ITPK1: variants seen among roughly 807,000 people sequenced by gnomAD.
ITPK1 encodes the protein inositol 1,3,4-trisphosphate 5/6-kinase.
In ITPK1, 21 loss-of-function variants were observed where a neutral mutation model predicts 45.3. That is an observed-to-expected ratio of 0.46 (90% CI 0.33 to 0.67). The LOEUF (loss-of-function observed/expected upper bound fraction) is 0.67, where lower values mean the gene tolerates loss of function less well. Ranked by LOEUF, ITPK1 falls within the 30% of genes least tolerant of loss-of-function variation. The probability of loss-of-function intolerance (pLI) is 0.02; values close to 1 mark genes in which losing one functional copy is unlikely to be tolerated. For synonymous variants in ITPK1, 258 were observed against 253.6 expected (o/e 1.02, Z -0.16); for missense variants, 474 against 573.5 (o/e 0.83, Z 1.77).
At chr14:93,019,694 G>A (rs1021033784) in intron 3 of ITPK1, among the ~76,000 whole-genome samples, 13 of 152,158 alleles carry the variant, frequency 8.5e-5, no homozygotes, top group East Asian at 5.8e-4. Flanking sequence ...AACAGGCTGC[G>A]GTCTCCCTCC....
intron 10 of ITPK1, among the ~76,000 whole-genome samples, chr14:92,946,053 C>G (rs572141130): frequency 6.6e-6 from 1 of 152,286 alleles, no homozygotes; most frequent in South Asian, 2.1e-4. Context: ...GGCTGATCCA[C>G]CAATGACGCA....
Position 93,076,083 on chromosome 14 carries a change from A to C in ITPK1, c.120+512T>G, listed in dbSNP as rs1595193251. Among the ~76,000 whole-genome samples, 3 of 139,702 alleles carry C rather than the reference A, an allele frequency of 2.1e-5. No homozygotes were observed. The highest frequency in any genetic ancestry group is 2.3e-4 in the South Asian group (1 of 4,368). The allele number at this position is 139,702 out of a possible 152,430, so 91.6% of individuals were successfully genotyped here. A position where few individuals can be genotyped will look rare whatever the true frequency, so the allele number is the denominator to read the frequency against. ...CTTCTATCCTTCCTCCCCTCCATCC[A>C]TCCTTCCTTCTCCCTCCATCCTTCC... is the stretch of plus-strand genomic sequence containing the variant. On this transcript the variant is annotated intron_variant, in intron 3 of 10. Transcript: ENST00000267615. The surrounding 1 kb of genome is among the most constrained non-coding windows in gnomAD (Gnocchi z 4.3).
At chr14:93,090,885 A>G (rs528179241) in intron 2 of ITPK1, among the ~76,000 whole-genome samples, 3 of 152,264 alleles carry the variant, frequency 2.0e-5, no homozygotes, top group Admixed American at 6.5e-5. Context: ...TTCCATCACC[A>G]ACCTGCGCCT....
chr14:92,992,354 T>C (rs76163808), intron 5 of ITPK1, among the ~76,000 whole-genome samples: 3 of 152,352 alleles, frequency 2.0e-5, no homozygotes, highest in East Asian at 1.9e-4. Context: ...GGAGGGAACA[T>C]ACAGCTCTTT....
At chr14:92,997,482 A>G (rs1430849931) in intron 4 of ITPK1, among the ~76,000 whole-genome samples, 2 of 152,220 alleles carry the variant, frequency 1.3e-5, no homozygotes, top group Non-Finnish European at 2.9e-5. Context: ...CTCTTCTGGG[A>G]TGGGAACAGA....
intron 3 of ITPK1, among the ~76,000 whole-genome samples, chr14:93,041,237 G>A (rs1485536682): frequency 6.6e-6 from 1 of 152,184 alleles, no homozygotes; most frequent in African/African-American, 2.4e-5. Flanking sequence ...GCCCGGCCAG[G>A]ATCTGAACCT....
At position 92,993,893 on chromosome 14, in the gene ITPK1, C is replaced by G. The variant is rs1454219329; in HGVS notation, c.351G>C (p.Glu117Asp). 6.2e-7 allele frequency: 1 copy of G among 1,609,384 alleles called. No individual in the cohort carries two copies. Reference protein sequence around the residue: ...SKSYELIRKIEAYMEDDRICS... With the variant: ...SKSYELIRKIDAYMEDDRICS... Reference sequence around the variant, plus strand: ...ACGTGTCCCTACCTTCCATGTAGGCCTCAATCTTCCGGATGAGCTCATAGG... The same window carrying G: ...ACGTGTCCCTACCTTCCATGTAGGCGTCAATCTTCCGGATGAGCTCATAGG... The change falls in exon 5 of 11, where the codon GAG becomes GAC. Residue 117 changes from glutamate to aspartate, a missense_variant. Around this residue, in one of 2 missense-constraint regions of ITPK1, gnomAD observed 367 missense variants for 480.6 expected, o/e 0.76. Coordinates refer to ENST00000267615, the MANE Select transcript of ITPK1 (RefSeq NM_014216.6).
chr14:93,023,321 G>A (rs117046756), intron 3 of ITPK1, among the ~76,000 whole-genome samples: 1 of 152,226 alleles, frequency 6.6e-6, no homozygotes, highest in Non-Finnish European at 1.5e-5. Context: ...GTAACTGCAG[G>A]AGTAAGGTCT....
At chr14:93,102,670 A>T (rs993752262) in intron 2 of ITPK1, among the ~76,000 whole-genome samples, 1 of 152,062 alleles carries the variant, frequency 6.6e-6, no homozygotes, top group East Asian at 1.9e-4. Context: ...AAAAGAAAAT[A>T]GGCTGGCTAG....
intron 4 of ITPK1, among the ~76,000 whole-genome samples, chr14:93,010,130 G>A (rs976610033): frequency 6.6e-6 from 1 of 152,118 alleles, no homozygotes; most frequent in African/African-American, 2.4e-5. Flanking sequence ...ACCCCTTCCC[G>A]GGGCCCATGG....
intron 2 of ITPK1, among the ~76,000 whole-genome samples, chr14:93,109,004 C>G (rs1218955572): frequency 6.6e-6 from 1 of 152,178 alleles, no homozygotes; most frequent in Non-Finnish European, 1.5e-5. Context: ...CAGAGGGAGA[C>G]TCTGTCTCAC....
intron 3 of ITPK1, among the ~76,000 whole-genome samples, chr14:93,019,805 G>A (rs1205199656): frequency 1.3e-5 from 2 of 152,208 alleles, no homozygotes; most frequent in African/African-American, 2.4e-5. Context: ...CACTGTGCAG[G>A]GGGATGCCCG....
At chr14:93,095,349 C>CT (rs958907609) in intron 2 of ITPK1, among the ~76,000 whole-genome samples, 74 of 152,286 alleles carry the variant, frequency 4.9e-4, no homozygotes, top group Middle Eastern at 3.4e-3. Flanking sequence ...TTAAGAAGTG[C>CT]TTTTTTTATC....
chr14:92,943,693 C>T (rs1031719288), intron 10 of ITPK1, among the ~76,000 whole-genome samples: 6 of 152,214 alleles, frequency 3.9e-5, no homozygotes, highest in Non-Finnish European at 8.8e-5. Flanking sequence ...GCTGCCTCCA[C>T]GGAGGCCTGA....
intron 3 of ITPK1, among the ~76,000 whole-genome samples, chr14:93,020,354 G>A (rs571137495): frequency 6.6e-6 from 1 of 152,274 alleles, no homozygotes; most frequent in East Asian, 1.9e-4. Flanking sequence ...AGGCAGACAG[G>A]CCTAGAAACC....
At chr14:92,973,914 C>G (rs1296634397) in intron 5 of ITPK1, among the ~76,000 whole-genome samples, 1 of 152,218 alleles carries the variant, frequency 6.6e-6, no homozygotes, top group Non-Finnish European at 1.5e-5. Flanking sequence ...TCCACGTGGC[C>G]TGGCTGGAGG....
At chr14:93,025,770 C>T (rs896599690) in intron 3 of ITPK1, among the ~76,000 whole-genome samples, 1 of 151,824 alleles carries the variant, frequency 6.6e-6, no homozygotes, top group Non-Finnish European at 1.5e-5. Context: ...TAGGTCCTCC[C>T]TTTTTCACAA....
intron 3 of ITPK1, among the ~76,000 whole-genome samples, chr14:93,057,781 C>A (rs955713403): frequency 5.3e-5 from 8 of 152,312 alleles, no homozygotes; most frequent in African/African-American, 1.9e-4. Context: ...CCCATGGGGG[C>A]CACACGACTC....
chr14:93,101,805 G>A (rs548170112), intron 2 of ITPK1, among the ~76,000 whole-genome samples: 7 of 152,228 alleles, frequency 4.6e-5, no homozygotes, highest in East Asian at 3.9e-4. Context: ...ACCTGAGATC[G>A]CGGCACTGTG....
Sources: allele counts gnomAD v4.1 joint callset (sites outside exome capture counted in the v4.1 genomes callset), GRCh38; gene constraint gnomAD v4.1.1; regional missense constraint gnomAD v4.1.1; non-coding constraint Gnocchi (gnomAD v3.1); transcripts MANE v1.5; gene names NCBI Gene and HGNC (gene_info 2026-07-23, HGNC 2026-07-21).